Variants in STRADA observed in about 807,000 individuals in gnomAD.
STRADA encodes the protein STE20-related kinase adapter protein alpha.
A neutral mutation model predicts 55.0 loss-of-function variants in STRADA; 26 were observed. The observed-to-expected ratio is 0.47, with a 90% CI of 0.35 to 0.66. The LOEUF (loss-of-function observed/expected upper bound fraction) is 0.66. Ranked by LOEUF, STRADA falls within the 30% of genes least tolerant of loss-of-function variation. STRADA has a pLI of 0.01. For synonymous variants in STRADA, 197 were observed against 210.9 expected, an observed-to-expected ratio of 0.93 and a Z score of 0.57; for missense variants, 443 against 549.7, an observed-to-expected ratio of 0.81 and a Z score of 1.94.
At chr17:63,722,768 G>A (rs899731399) in intron 4 of STRADA, among the ~76,000 whole-genome samples, 3 of 152,210 alleles carry the variant, frequency 2.0e-5, no homozygotes, top group South Asian at 2.1e-4. Flanking sequence ...AACTAGAAGA[G>A]AAGGAAACAG....
intron 1 of STRADA, among the ~76,000 whole-genome samples, chr17:63,730,383 T>G (rs141082002): frequency 1.3e-5 from 2 of 151,850 alleles, no homozygotes; most frequent in African/African-American, 4.8e-5. Flanking sequence ...TTTAGGCCAG[T>G]TGCACTTAGT....
At chr17:63,736,562 AG>A (rs2038439261) in intron 1 of STRADA, among the ~76,000 whole-genome samples, 1 of 151,778 alleles carries the variant, frequency 6.6e-6, no homozygotes, top group South Asian at 2.1e-4. Context: ...TGGGAGGCAG[AG>A]GTTGCAGTGA....
chr17:63,728,491 T>C lies in STRADA; in HGVS notation c.-44-78A>G. Reference sequence around the variant, plus strand: ...ATATCTTCTGATTAACAAAAACTTATTACAGGTCTACCATTCAAAGCACTG... The same window carrying C: ...ATATCTTCTGATTAACAAAAACTTACTACAGGTCTACCATTCAAAGCACTG... On this transcript the variant is annotated intron_variant, in intron 1 of 12. Transcript: ENST00000336174. The C allele has an allele frequency of 1.1e-5, 8 of 745,916 alleles. No individual in the cohort carries two copies. The South Asian group carries it at 1.1e-4, about 10-fold the overall frequency. The allele number at this position is 745,916 out of a possible 1,614,324, so 46.2% of individuals were successfully genotyped here.
chr17:63,710,156 T>TGTAGTCCCAGCTACTGGGACTACAAGCA (rs2036398484), intron 8 of STRADA, among the ~76,000 whole-genome samples: 2 of 151,856 alleles, frequency 1.3e-5, no homozygotes, highest in African/African-American at 4.8e-5. Flanking sequence ...TGCCTCAGCT[T>TGTAGTCCCAGCTACTGGGACTACAAGCA]GTAGTCCCAG....
intron 7 of STRADA, 27 bp from the exon 8 acceptor site, chr17:63,710,641 G>C: frequency 1.2e-6 from 2 of 1,614,132 alleles, no homozygotes; most frequent in Non-Finnish European, 1.7e-6. Context: ...CATGGAGGCA[G>C]TGAAAGGTAA....
In STRADA at chr17:63,703,122, A is replaced by C. The variant is rs2035834908; in HGVS notation, c.*477T>G. 1 of 158,978 alleles carries C rather than the reference A, an allele frequency of 6.3e-6. No homozygotes were observed. Among genetic ancestry groups the C allele is most frequent in the African/African-American group, 2.4e-5 (1 of 41,478 alleles). The allele number at this position is 158,978 out of a possible 1,614,324, so 9.8% of individuals were successfully genotyped here. ...AGAAATGCCCTTCTCTGGAATTATG[A>C]GGGAGAGGTCTGAGGGAAGGGAGGC... On this transcript the variant is annotated 3_prime_UTR_variant, in exon 13 of 13. Coordinates refer to ENST00000336174, the MANE Select transcript of STRADA (RefSeq NM_001003787.4).
chr17:63,703,551 GGTGGCCTCTGC>G lies in STRADA; in HGVS notation c.*37_*47del, dbSNP rs1278829915. ...GGCCGGCCCTCAGGAAGGGCCTCTG[GGTGGCCTCTGC>G]ATCCCTGGCTGGAGAATGCGCACAG... is the stretch of plus-strand genomic sequence containing the variant. On this transcript the variant is annotated 3_prime_UTR_variant, in exon 13 of 13. Coordinates refer to ENST00000336174, the MANE Select transcript of STRADA (RefSeq NM_001003787.4). 2.0e-5 allele frequency: 31 copies of G among 1,563,246 alleles called. No homozygotes were observed. Among genetic ancestry groups the G allele is most frequent in the Non-Finnish European group, 2.7e-5 (31 of 1,148,012 alleles).
intron 6 of STRADA, among the ~76,000 whole-genome samples, chr17:63,712,088 T>C (rs1296355498): frequency 6.6e-6 from 1 of 151,978 alleles, no homozygotes; most frequent in Non-Finnish European, 1.5e-5. Context: ...TCAGAAAAAG[T>C]TGTAAATGAA....
At chr17:63,713,604 G>A in intron 5 of STRADA, 77 bp from the exon 6 acceptor site, 3 of 1,553,956 alleles carry the variant, frequency 1.9e-6, no homozygotes, top group Middle Eastern at 1.7e-4. Context: ...TTAAAAAAGG[G>A]ACTTGATTTC....
intron 11 of STRADA, 36 bp from the exon 12 acceptor site, chr17:63,704,083 TG>T: frequency 1.2e-6 from 2 of 1,606,060 alleles, no homozygotes; most frequent in Non-Finnish European, 1.7e-6. Context: ...GCAGCATCAC[TG>T]CCGTGTCCCC....
rs150406807 is a variant in STRADA, at chr17:63,713,224, T to C, written c.348+182A>G. Among the ~76,000 whole-genome samples the C allele has an allele frequency of 5.4e-3, 820 of 152,190 alleles. 6 individuals are homozygous for C. Among genetic ancestry groups the C allele is most frequent in the African/African-American group, 0.018 (748 of 41,532 alleles). ...GAGTGTTTGGAGAAGAAAAGGGAAATATAAATTAGGCTGAGCAGCATTTCA... is the reference window on the plus strand; with the variant it reads ...GAGTGTTTGGAGAAGAAAAGGGAAACATAAATTAGGCTGAGCAGCATTTCA... On this transcript the variant is annotated intron_variant, in intron 6 of 12. Coordinates refer to ENST00000336174, the MANE Select transcript of STRADA (RefSeq NM_001003787.4).
At chr17:63,730,470 A>C (rs1481877170) in intron 1 of STRADA, among the ~76,000 whole-genome samples, 4 of 149,344 alleles carry the variant, frequency 2.7e-5, no homozygotes, top group Non-Finnish European at 5.9e-5. Flanking sequence ...ATCTCTGCTC[A>C]CTGCAACCTC....
rs2038157570 is a variant in STRADA, at chr17:63,732,744, A to G, written c.-44-4331T>C. Among the ~76,000 whole-genome samples the G allele has an allele frequency of 1.3e-5, 2 of 151,940 alleles. 1 individual carries two copies. Among genetic ancestry groups the G allele is most frequent in the South Asian group, 4.2e-4 (2 of 4,818 alleles). ...TAGGAGGCAGAGGTTGAAGTGAGCCACGATCGCACCACTGCACTCCAGCCT... is the reference window on the plus strand; with the variant it reads ...TAGGAGGCAGAGGTTGAAGTGAGCCGCGATCGCACCACTGCACTCCAGCCT... On this transcript the variant is annotated intron_variant, in intron 1 of 12. Transcript: ENST00000336174.
chr17:63,709,134 T>A (rs2036317477), intron 8 of STRADA, among the ~76,000 whole-genome samples: 1 of 152,196 alleles, frequency 6.6e-6, no homozygotes, highest in Non-Finnish European at 1.5e-5. Flanking sequence ...TGTCCCCTGA[T>A]GGGTCTGCAC....
intron 3 of STRADA, 174 bp from the exon 4 acceptor site, chr17:63,723,500 A>T (rs2037447526): frequency 1.5e-6 from 1 of 659,592 alleles, no homozygotes; most frequent in Non-Finnish European, 2.7e-6. Context: ...TCCACAGTAA[A>T]AATGCTGCAG....
At chr17:63,726,917 G>A (rs994166749) in intron 2 of STRADA, 2 of 580,506 alleles carry the variant, frequency 3.4e-6, no homozygotes, top group African/African-American at 3.8e-5. Flanking sequence ...TCTTAAATTT[G>A]ACAGATGAGA....
chr17:63,720,514 C>A (rs559834440), intron 4 of STRADA, among the ~76,000 whole-genome samples: 2 of 151,846 alleles, frequency 1.3e-5, no homozygotes, highest in Admixed American at 1.3e-4. Context: ...GTGGCTCACA[C>A]CTGTAATCCC....
rs77344145 is a variant in STRADA at position 63,704,623 on chromosome 17, G to A, written c.859-41C>T. On this transcript the variant is annotated intron_variant, in intron 10 of 12. Transcript: ENST00000336174. ...CCAGGACCTGGGCTGTAGCGGGTGG[G>A]GGGGGGGGGTGGTCCCTGGAAGGCC... 2,764 of 1,122,038 alleles carry A rather than the reference G, an allele frequency of 2.5e-3. 44 individuals are homozygous for A. In the African/African-American group the frequency reaches 0.037, roughly 15 times the overall value. 69.5% of individuals were successfully genotyped at this position (1,122,038 alleles called of 1,614,324 possible).
rs781729268 is a variant in STRADA at position 63,726,670 on chromosome 17, A to G, written c.62T>C (p.Val21Ala). 2.5e-6 allele frequency: 4 copies of G among 1,614,152 alleles called. No individual in the cohort carries two copies. The highest frequency in any genetic ancestry group is 4.5e-5 in the East Asian group (2 of 44,864). ...IRRWVSEKFI[V>A]EGLRDLELFG... ...TAGTTCCAAATCTCTTAAGCCCTCA[A>G]CAATGAACTTTTCCGAGACCCACCG... Residue 21 changes from valine to alanine, a missense_variant, in exon 3 of 13, where the codon GTT (valine) becomes GCT (alanine). Physicochemically the swap from Val to Ala is moderately conservative, Grantham distance 64. Transcript: ENST00000336174.
Sources: gnomAD v4.1 joint callset for allele counts (sites outside exome capture counted in the v4.1 genomes callset) on GRCh38, gnomAD v4.1.1 for gene constraint, MANE v1.5 for transcripts, NCBI Gene and HGNC (gene_info 2026-07-23, HGNC 2026-07-21) for gene names.